The following SDCCAG8 variants were observed in gnomAD, a reference collection of about 807,000 sequenced individuals.
SDCCAG8 encodes serologically defined colon cancer antigen 8.
A neutral mutation model predicts 101.8 loss-of-function variants in SDCCAG8; 74 were observed. The ratio of observed to expected loss-of-function variants is 0.73; its 90% CI spans 0.60 to 0.88. The LOEUF (loss-of-function observed/expected upper bound fraction) is 0.88. Ranked by LOEUF, SDCCAG8 falls within the 40% of genes least tolerant of loss-of-function variation. The probability of loss-of-function intolerance (pLI) is 0.00; values close to 1 mark genes in which losing one functional copy is unlikely to be tolerated. For synonymous variants in SDCCAG8, 281 were observed against 292.9 expected, an observed-to-expected ratio of 0.96 and a Z score of 0.41; for missense variants, 787 against 822.6, an observed-to-expected ratio of 0.96 and a Z score of 0.53.
chr1:243,463,953 G>A (rs1289586186), intron 16 of SDCCAG8, among the ~76,000 whole-genome samples: 1 of 152,174 alleles, frequency 6.6e-6, no homozygotes, highest in African/African-American at 2.4e-5. Flanking sequence ...AGGGGTAGGT[G>A]CCATTGGCTA....
intron 13 of SDCCAG8, among the ~76,000 whole-genome samples, chr1:243,400,749 T>C (rs2079336001): frequency 6.6e-6 from 1 of 152,214 alleles, no homozygotes; most frequent in Non-Finnish European, 1.5e-5. Flanking sequence ...GTTAGACACC[T>C]TTTAAAGCAT....
chr1:243,466,020 T>C (rs1356991380), intron 16 of SDCCAG8, among the ~76,000 whole-genome samples: 1 of 152,210 alleles, frequency 6.6e-6, no homozygotes, highest in Admixed American at 6.5e-5. Flanking sequence ...CTAATTTCAT[T>C]ACCTATTCAA....
At chr1:243,298,239 C>T (rs1159326106) in intron 6 of SDCCAG8, among the ~76,000 whole-genome samples, 2 of 151,260 alleles carry the variant, frequency 1.3e-5, no homozygotes, top group African/African-American at 2.4e-5. Flanking sequence ...TTAGTAGAGA[C>T]GGAGTTTCAC....
chr1:243,364,198 T>C (rs1454272877), intron 12 of SDCCAG8, among the ~76,000 whole-genome samples: 1 of 152,164 alleles, frequency 6.6e-6, no homozygotes, highest in East Asian at 1.9e-4. Context: ...AACATGTCAT[T>C]AATTTTGGTG....
At chr1:243,496,156 A>G (rs1667800340) in intron 17 of SDCCAG8, among the ~76,000 whole-genome samples, 1 of 152,252 alleles carries the variant, frequency 6.6e-6, no homozygotes, top group Non-Finnish European at 1.5e-5. Flanking sequence ...GTACAGATAG[A>G]AAAATAAGGC....
rs1020778840 is a variant in SDCCAG8, at chr1:243,426,529, T to C, written c.1956T>C (p.His652=). The C allele has an allele frequency of 2.5e-6, 4 of 1,613,840 alleles. No homozygotes were observed. In the African/African-American group the frequency reaches 5.3e-5, roughly 22 times the overall value. The change falls in exon 16 of 18, where the codon CAT becomes CAC. Residue 652 remains histidine, a synonymous_variant. Coordinates refer to ENST00000366541, the MANE Select transcript of SDCCAG8 (RefSeq NM_006642.5). Reference sequence around the variant, plus strand: ...AATTGGAGGAACAGTGTGTCCAGCATGGGAGAGTACATGAGACGATGAAGC... The same window carrying C: ...AATTGGAGGAACAGTGTGTCCAGCACGGGAGAGTACATGAGACGATGAAGC... ...NEELEEQCVQ[H]GRVHETMKQR...
chr1:243,338,365 G>A (rs1394302353), intron 10 of SDCCAG8, among the ~76,000 whole-genome samples: 2 of 151,714 alleles, frequency 1.3e-5, no homozygotes, highest in Non-Finnish European at 2.9e-5. Context: ...AGGAATACTT[G>A]TGAAACGTAT....
At chr1:243,331,245 G>A (rs2074570403) in intron 10 of SDCCAG8, among the ~76,000 whole-genome samples, 1 of 152,226 alleles carries the variant, frequency 6.6e-6, no homozygotes, top group Admixed American at 6.5e-5. Flanking sequence ...GAAACAAGCA[G>A]TGTTTGAAAA....
intron 1 of SDCCAG8, chr1:243,267,671 G>A: frequency 1.3e-6 from 1 of 767,904 alleles, no homozygotes; most frequent in African/African-American, 1.7e-5. Flanking sequence ...CTTAGGCTGA[G>A]TTACTCTCTG....
intron 6 of SDCCAG8, among the ~76,000 whole-genome samples, chr1:243,297,214 T>G (rs1345262341): frequency 1.3e-5 from 2 of 152,236 alleles, no homozygotes; most frequent in African/African-American, 4.8e-5. Flanking sequence ...TGTATCTGGT[T>G]TCTGTTGTCC....
intron 16 of SDCCAG8, among the ~76,000 whole-genome samples, chr1:243,465,571 GA>G (rs1166454358): frequency 6.6e-6 from 1 of 152,162 alleles, no homozygotes; most frequent in African/African-American, 2.4e-5. Flanking sequence ...TGAGAAAAAA[GA>G]ATTTTCTGTA....
intron 16 of SDCCAG8, among the ~76,000 whole-genome samples, chr1:243,461,854 G>A (rs1214641027): frequency 6.6e-6 from 1 of 152,120 alleles, no homozygotes; most frequent in Non-Finnish European, 1.5e-5. Flanking sequence ...CTGGCCCACA[G>A]CCCTCACACA....
chr1:243,259,091 C>T (rs2066989009), intron 1 of SDCCAG8, among the ~76,000 whole-genome samples: 1 of 152,180 alleles, frequency 6.6e-6, no homozygotes, highest in Admixed American at 6.5e-5. Flanking sequence ...CGTGATCGTA[C>T]TTCCATTTTA....
chr1:243,323,807 TA>T lies in SDCCAG8; in HGVS notation c.1069-6730del, dbSNP rs1359959689. The stretch of plus-strand genomic sequence containing the variant: ...ACCTCATCTCAATCCTCATTGGACT[TA>T]AACTCTATAGATTTGGAACCCTGTT... On this transcript the variant is annotated intron_variant, in intron 9 of 17. Transcript: ENST00000366541. 2.0e-5 allele frequency among the ~76,000 whole-genome samples: 3 copies of T among 152,322 alleles called. No individual in the cohort carries two copies. The East Asian group carries it at 5.8e-4, about 29-fold the overall frequency.
At chr1:243,305,585 A>G (rs1026164607) in intron 7 of SDCCAG8, 2 of 152,154 alleles carry the variant, frequency 1.3e-5, no homozygotes, top group African/African-American at 4.8e-5. Flanking sequence ...TAGATTAACC[A>G]TTAGTGATTT....
chr1:243,366,552 T>G (rs1280767304), intron 12 of SDCCAG8, among the ~76,000 whole-genome samples: 1 of 152,058 alleles, frequency 6.6e-6, no homozygotes, highest in Non-Finnish European at 1.5e-5. Context: ...AGACTTCACT[T>G]ACTGAGTCCT....
chr1:243,396,459 T>C lies in SDCCAG8; in HGVS notation c.1616+17596T>C, dbSNP rs542420442. 1.3e-4 allele frequency among the ~76,000 whole-genome samples: 20 copies of C among 152,326 alleles called. No homozygotes were observed. The South Asian group carries it at 3.9e-3, about 30-fold the overall frequency. ...TGGGTTAAGTTTTTCAAAGCAGTAA[T>C]GGAGCTGTGTGTTAATATATAGCTT... On this transcript the variant is annotated intron_variant, in intron 13 of 17. Transcript: ENST00000366541.
At chr1:243,454,753 T>C (rs890532152) in intron 16 of SDCCAG8, among the ~76,000 whole-genome samples, 1 of 152,184 alleles carries the variant, frequency 6.6e-6, no homozygotes, top group Admixed American at 6.5e-5. Flanking sequence ...GTCCCTGTTA[T>C]CTTGTTTAGT....
chr1:243,364,773 T>C (rs1455588265), intron 12 of SDCCAG8, among the ~76,000 whole-genome samples: 3 of 152,142 alleles, frequency 2.0e-5, no homozygotes, highest in Admixed American at 1.3e-4. Context: ...CTAGCACCTA[T>C]ACCAAACAGT....
Sources: gnomAD v4.1 joint callset for allele counts (sites outside exome capture counted in the v4.1 genomes callset) on GRCh38, gnomAD v4.1.1 for gene constraint, MANE v1.5 for transcripts, NCBI Gene and HGNC (gene_info 2026-07-23, HGNC 2026-07-21) for gene names.